Variants in PLAU observed in about 807,000 individuals in gnomAD.
PLAU encodes plasminogen activator, urokinase, also known as urokinase-type plasminogen activator.
PLAU carries 32 observed loss-of-function variants against 48.9 expected under a neutral mutation model. That is an observed-to-expected ratio of 0.65 (90% CI 0.49 to 0.88). The LOEUF is 0.88. PLAU is among the 40% of genes least tolerant of loss of function. The pLI, the probability that PLAU is intolerant of heterozygous loss-of-function variation, is 0.00. For synonymous variants in PLAU, 199 were observed against 205.7 expected (o/e 0.97, Z 0.28); for missense variants, 455 against 545.2 (o/e 0.83, Z 1.65).
upstream of PLAU, chr10:73,909,360 C>A (rs1166798380): frequency 6.6e-6 from 1 of 152,288 alleles, no homozygotes; most frequent in East Asian, 1.9e-4. Context: ...TTAATGGGTT[C>A]TCAAATCCAA....
chr10:73,914,921 G>A lies in PLAU; in HGVS notation c.970+5G>A. On this transcript the variant is annotated splice_donor_5th_base_variant and intron_variant, in intron 9 of 10. Transcript: ENST00000372764. The stretch of plus-strand genomic sequence containing the variant: ...GCTTTGGAAAAGAGAATTCTAGTAA[G>A]TGACAATTGCGACTGACTTAGAAGG... 1 of 1,613,898 alleles carries A rather than the reference G, an allele frequency of 6.2e-7. No homozygotes were observed. Among genetic ancestry groups the A allele is most frequent in the African/African-American group, 1.3e-5 (1 of 75,032 alleles).
At chr10:73,915,546 TCCTTATGTGTTTGCCAGACATTA>T in intron 10 of PLAU, 147 bp downstream of exon 10, 2 of 704,924 alleles carry the variant, frequency 2.8e-6, no homozygotes, top group South Asian at 4.7e-5. Context: ...TTTAAACCAG[TCCTTATGTGTTTGCCAGACATTA>T]CCAAAAAAAT....
Position 73,914,906 on chromosome 10 carries a change from A to C in PLAU, c.960A>C (p.Lys320Asn). 1 of 1,614,142 alleles carries C rather than the reference A, an allele frequency of 6.2e-7. No homozygotes were observed. The highest frequency in any genetic ancestry group is 1.1e-5 in the South Asian group (1 of 91,074). Residue 320 changes from lysine (K) to asparagine (N), a missense_variant, in exon 9 of 11, where the codon AAA (lysine) becomes AAC (asparagine). Transcript: ENST00000372764. ...GCTGTGAGATCACTGGCTTTGGAAAAGAGAATTCTAGTAAGTGACAATTGC... is the reference window on the plus strand; with the variant it reads ...GCTGTGAGATCACTGGCTTTGGAAACGAGAATTCTAGTAAGTGACAATTGC... ...GTSCEITGFG[K>N]ENSTDYLYPE...
In PLAU at chr10:73,913,661, G is replaced by A. The variant is rs763017439; in HGVS notation, c.583G>A (p.Ala195Thr). ...TTIENQPWFA[A>T]IYRRHRGGSV... ...CATCGAGAACCAGCCCTGGTTTGCG[G>A]CCATCTACAGGAGGCACCGGGGGGG... The change falls in exon 7 of 11, where the codon GCC becomes ACC. Residue 195 changes from alanine (A) to threonine (T), a missense_variant. Coordinates refer to ENST00000372764, the MANE Select transcript of PLAU (RefSeq NM_002658.6). The A allele has an allele frequency of 9.3e-6, 15 of 1,613,940 alleles. No individual in the cohort carries two copies. The highest frequency in any genetic ancestry group is 1.3e-5 in the Non-Finnish European group (15 of 1,179,932).
Position 73,913,292 on chromosome 10 carries a change from A to T in PLAU, c.371A>T (p.Asn124Ile). 1 of 1,614,086 alleles carries T rather than the reference A, an allele frequency of 6.2e-7. No homozygotes were observed. Among genetic ancestry groups the T allele is most frequent in the Non-Finnish European group, 8.5e-7 (1 of 1,179,962 alleles). Residue 124 changes from asparagine to isoleucine, a missense_variant and splice_region_variant, in exon 6 of 11, where the codon AAC becomes ATC. Asn to Ile is a moderately radical substitution (Grantham distance 149). Coordinates refer to ENST00000372764, the MANE Select transcript of PLAU (RefSeq NM_002658.6). ...LGLGKHNYCR[N>I]PDNRRRPWCY... ...CCCCTATCTTTCTGTGTTGCCAGGA[A>T]CCCAGACAACCGGAGGCGACCCTGG...
intron 10 of PLAU, 97 bp downstream of exon 10, chr10:73,915,496 G>A (rs2096134875): frequency 1.7e-6 from 2 of 1,168,620 alleles, no homozygotes; most frequent in South Asian, 1.6e-5. Flanking sequence ...TCTAGCCAAA[G>A]CCCTAAGTAG....
At chr10:73,912,397 G>T in intron 4 of PLAU, 75 bp downstream of exon 4, 1 of 1,118,414 alleles carries the variant, frequency 8.9e-7, no homozygotes, top group Non-Finnish European at 1.3e-6. Flanking sequence ...AGAGCAGGCA[G>T]GAGTTAGGAG....
chr10:73,913,434 A>T (rs1013663693), intron 6 of PLAU, 53 bp downstream of exon 6: 3 of 1,543,792 alleles, frequency 1.9e-6, no homozygotes, highest in Non-Finnish European at 1.8e-6. Flanking sequence ...ACAAACTTAC[A>T]TGTCCCCTTA....
At chr10:73,909,495 C>G (rs1355225502), upstream of PLAU, among the ~76,000 whole-genome samples, 1 of 152,208 alleles carries the variant, frequency 6.6e-6, no homozygotes, top group Non-Finnish European at 1.5e-5. Flanking sequence ...CTCCAGAAGA[C>G]AGTGGGTCAC....
At chr10:73,914,650 C>A in intron 8 of PLAU, 126 bp from the exon 9 acceptor site, 1 of 875,244 alleles carries the variant, frequency 1.1e-6, no homozygotes, top group Non-Finnish European at 1.7e-6. Flanking sequence ...GATAAGCGAC[C>A]AGCAGACCTC....
chr10:73,915,199 C>G, intron 9 of PLAU, 52 bp from the exon 10 acceptor site: 1 of 1,567,808 alleles, frequency 6.4e-7, no homozygotes, highest in Non-Finnish European at 8.7e-7. Flanking sequence ...TGGCAGACTC[C>G]CAGTGGACAG....
chr10:73,912,337 A>C lies in PLAU; in HGVS notation c.193+15A>C. The C allele has an allele frequency of 7.4e-7, 1 of 1,352,354 alleles. No homozygotes were observed. The highest frequency in any genetic ancestry group is 1.0e-6 in the Non-Finnish European group (1 of 976,564). 83.8% of individuals were successfully genotyped at this position (1,352,354 alleles called of 1,614,324 possible). ...CTGTGAAATAGGTATGGGGATCTCCACTGCAACTGGGAGAGAAATTTGGGG... is the reference window on the plus strand; with the variant it reads ...CTGTGAAATAGGTATGGGGATCTCCCCTGCAACTGGGAGAGAAATTTGGGG... On this transcript the variant is annotated intron_variant, in intron 4 of 10. Coordinates refer to ENST00000372764, the MANE Select transcript of PLAU (RefSeq NM_002658.6).
chr10:73,915,034 A>G (rs1409076187), intron 9 of PLAU, 118 bp downstream of exon 9: 1 of 1,170,270 alleles, frequency 8.5e-7, no homozygotes, highest in Non-Finnish European at 1.2e-6. Context: ...AGGCGGTGGC[A>G]GATGGGTCCA....
chr10:73,915,955 C>T (rs1397911344), intron 10 of PLAU, among the ~76,000 whole-genome samples: 1 of 152,044 alleles, frequency 6.6e-6, no homozygotes, highest in Admixed American at 6.6e-5. Context: ...GAAAATGGGG[C>T]TGCGTCAGGC....
rs372331139 is a variant in PLAU, at chr10:73,914,143, C to T, written c.829+15C>T. 1.1e-5 allele frequency: 17 copies of T among 1,613,310 alleles called. No individual in the cohort carries two copies. Among genetic ancestry groups the T allele is most frequent in the Admixed American group, 5.0e-5 (3 of 60,008 alleles). The stretch of plus-strand genomic sequence containing the variant: ...CAACGACATTGGTGAGGGGGAACCC[C>T]GCGACTACTGTGGCCATAATGGCTT... On this transcript the variant is annotated intron_variant, in intron 8 of 10. Coordinates refer to ENST00000372764, the MANE Select transcript of PLAU (RefSeq NM_002658.6).
In PLAU at chr10:73,916,361, C is replaced by T. The variant is rs759204395; in HGVS notation, c.1120-28C>T. 2.5e-6 allele frequency: 4 copies of T among 1,602,430 alleles called. No homozygotes were observed. The South Asian group carries it at 4.5e-5, about 18-fold the overall frequency. ...AAATCCCCTCCTCACTTCTCTAGGG[C>T]TCATCTTTTGTATCTTTGGCGTCAC... On this transcript the variant is annotated intron_variant, in intron 10 of 10. Transcript: ENST00000372764.
chr10:73,916,858 G>T lies in PLAU; in HGVS notation c.*293G>T. The T allele has an allele frequency of 2.7e-6, 1 of 366,880 alleles. No homozygotes were observed. The highest frequency in any genetic ancestry group is 5.0e-6 in the Non-Finnish European group (1 of 200,546). The allele number at this position is 366,880 out of a possible 1,614,324, so 22.7% of individuals were successfully genotyped here. A position where few individuals can be genotyped will look rare whatever the true frequency, so the allele number is the denominator to read the frequency against. On this transcript the variant is annotated 3_prime_UTR_variant, in exon 11 of 11. Coordinates refer to ENST00000372764, the MANE Select transcript of PLAU (RefSeq NM_002658.6). ...AAGCCTGCAGGAGTTAAAAAGGGCA[G>T]GGCATCTCCTGTGCATGGGTGAAGG...
In PLAU at chr10:73,911,232, T is replaced by C. The variant is rs2096123168; in HGVS notation, c.-32+14T>C. 1.7e-5 allele frequency: 7 copies of C among 420,012 alleles called. 1 individual carries two copies. In the South Asian group the frequency reaches 1.8e-4, roughly 11 times the overall value. 26.0% of individuals were successfully genotyped at this position (420,012 alleles called of 1,614,324 possible). A position where few individuals can be genotyped will look rare whatever the true frequency, so the allele number is the denominator to read the frequency against. On this transcript the variant is annotated intron_variant, in intron 1 of 10. Transcript: ENST00000372764. Reference sequence around the variant, plus strand: ...CCGCAGCCACCGGTGAGTGCCGCGGTCCTGAGATCCCCGGGCCGGATGCGC... The same window carrying C: ...CCGCAGCCACCGGTGAGTGCCGCGGCCCTGAGATCCCCGGGCCGGATGCGC...
upstream of PLAU, among the ~76,000 whole-genome samples, chr10:73,908,845 G>C (rs1192430867): frequency 1.6e-5 from 2 of 124,644 alleles, no homozygotes; most frequent in South Asian, 2.5e-4. Flanking sequence ...GTGACAGACC[G>C]AGACTCCGTC....
Sources: gnomAD v4.1 joint callset for allele counts (sites outside exome capture counted in the v4.1 genomes callset) on GRCh38, gnomAD v4.1.1 for gene constraint, MANE v1.5 for transcripts, NCBI Gene and HGNC (gene_info 2026-07-23, HGNC 2026-07-21) for gene names.